ASAH2: variants seen among roughly 807,000 people sequenced by gnomAD.
ASAH2 encodes N-acylsphingosine amidohydrolase 2.
ASAH2 carries 58 observed loss-of-function variants against 82.9 expected under a neutral mutation model. The observed-to-expected ratio is 0.70, with a 90% CI of 0.57 to 0.87. The LOEUF (loss-of-function observed/expected upper bound fraction) is 0.87. ASAH2 is among the 40% of genes least tolerant of loss of function. ASAH2 has a pLI of 0.00. For synonymous variants in ASAH2, 276 were observed against 289.7 expected, an observed-to-expected ratio of 0.95 and a Z score of 0.48; for missense variants, 779 against 834.0, an observed-to-expected ratio of 0.93 and a Z score of 0.81.
intron 6 of ASAH2, 27 bp downstream of exon 6, chr10:50,234,398 G>A (rs529974934): frequency 3.1e-5 from 50 of 1,612,592 alleles, no homozygotes; most frequent in South Asian, 2.4e-4. Context: ...GGAATGAAAC[G>A]ATTTCATTTT....
Position 50,214,896 on chromosome 10 carries a change from T to C in ASAH2, c.1015-28A>G, listed in dbSNP as rs778104435. On this transcript the variant is annotated intron_variant, in intron 8 of 20. Transcript: ENST00000682911. The stretch of plus-strand genomic sequence containing the variant: ...GCCAAAAGAAATGCCAAGTTGCCTT[T>C]TATTCTTTCCTATTTCCTGTAATGA... 3.1e-6 allele frequency: 5 copies of C among 1,612,804 alleles called. No individual in the cohort carries two copies. In the Admixed American group the frequency reaches 5.0e-5, roughly 16 times the overall value.
intron 4 of ASAH2, chr10:50,240,452 T>A: frequency 1.4e-6 from 1 of 701,984 alleles, no homozygotes; most frequent in Non-Finnish European, 2.6e-6. Context: ...TTCCACTCTA[T>A]TCCAATCCAT....
intron 12 of ASAH2, among the ~76,000 whole-genome samples, chr10:50,206,537 T>TACACACACACACAC (rs544968746): frequency 0.011 from 1,438 of 130,762 alleles, 23 homozygotes; most frequent in African/African-American, 0.016. Context: ...TTTAGTTATC[T>TACACACACACACAC]ACACACACAC....
At chr10:50,224,908 A>C (rs2133217924) in intron 7 of ASAH2, among the ~76,000 whole-genome samples, 1 of 152,306 alleles carries the variant, frequency 6.6e-6, no homozygotes, top group South Asian at 2.1e-4. Context: ...AGAAGAAAAG[A>C]ATACACACCG....
intron 16 of ASAH2, among the ~76,000 whole-genome samples, chr10:50,200,529 C>T (rs1845115038): frequency 6.6e-5 from 10 of 152,068 alleles, no homozygotes; most frequent in Non-Finnish European, 4.4e-5. Context: ...GTTACATCTT[C>T]CTGAACAGTC....
At chr10:50,250,577 T>TC (rs1172466896) in intron 1 of ASAH2, among the ~76,000 whole-genome samples, 3 of 152,174 alleles carry the variant, frequency 2.0e-5, no homozygotes, top group African/African-American at 7.2e-5. Flanking sequence ...AGCAGCTGTT[T>TC]CACCAGCAAA....
chr10:50,245,521 C>T, intron 2 of ASAH2, 67 bp from the exon 3 acceptor site: 1 of 1,382,610 alleles, frequency 7.2e-7, no homozygotes, highest in South Asian at 1.3e-5. Flanking sequence ...TCAATTAGAA[C>T]ACAATATATA....
At chr10:50,195,928 T>C (rs1279564488) in intron 18 of ASAH2, among the ~76,000 whole-genome samples, 1 of 151,730 alleles carries the variant, frequency 6.6e-6, no homozygotes, top group Non-Finnish European at 1.5e-5. Context: ...GAGGTATTGA[T>C]CAAAGAATAT....
chr10:50,220,630 G>A (rs2133214485), intron 7 of ASAH2, among the ~76,000 whole-genome samples: 1 of 152,178 alleles, frequency 6.6e-6, no homozygotes, highest in African/African-American at 2.4e-5. Context: ...AGAGTGAAGG[G>A]TGGAAGGAGG....
At chr10:50,242,101 C>T (rs1359443246) in intron 4 of ASAH2, among the ~76,000 whole-genome samples, 1 of 152,126 alleles carries the variant, frequency 6.6e-6, no homozygotes, top group African/African-American at 2.4e-5. Flanking sequence ...TCCAGCTCTA[C>T]CATTTGCTAA....
rs1022457938 is a variant in ASAH2, at chr10:50,213,888, G to A, written c.1141-830C>T. On this transcript the variant is annotated intron_variant, in intron 9 of 20. Transcript: ENST00000682911. ...TGACTGGGATGGAATAAACATCCCA[G>A]AAATAGTATACAAAAAAAGCATTAT... is the stretch of plus-strand genomic sequence containing the variant. 1.3e-3 allele frequency among the ~76,000 whole-genome samples: 191 copies of A among 152,168 alleles called. 1 individual carries two copies. The highest frequency in any genetic ancestry group is 1.4e-3 in the Admixed American group (21 of 15,286).
In ASAH2 at chr10:50,234,448, T is replaced by C; in HGVS notation, c.792A>G (p.Gln264=). 1 of 1,613,096 alleles carries C rather than the reference T, an allele frequency of 6.2e-7. No homozygotes were observed. Among genetic ancestry groups the C allele is most frequent in the Non-Finnish European group, 8.5e-7 (1 of 1,179,276 alleles). Residue 264 remains glutamine, a synonymous_variant, in exon 6 of 21, where the codon CAA becomes CAG. Coordinates refer to ENST00000682911, the MANE Select transcript of ASAH2 (RefSeq NM_019893.4). ...ACCTTGCTCTCTCTGACTGCGGATT[T>C]TGAAGGTAAGAATACGGACTTCTGT... ...QINRSPYSYL[Q]NPQSERARYS...
chr10:50,240,000 G>C (rs1269964605), intron 4 of ASAH2, among the ~76,000 whole-genome samples: 1 of 151,736 alleles, frequency 6.6e-6, no homozygotes, highest in Non-Finnish European at 1.5e-5. Context: ...ACTGATTTTT[G>C]TATTTTTAGT....
intron 5 of ASAH2, among the ~76,000 whole-genome samples, 162 bp from the exon 6 acceptor site, chr10:50,234,714 T>C (rs934993045): frequency 1.3e-5 from 2 of 152,096 alleles, no homozygotes; most frequent in African/African-American, 4.8e-5. Context: ...GTTGACAATC[T>C]GGAGGTAAAC....
chr10:50,229,009 C>T (rs1368256550), intron 7 of ASAH2, among the ~76,000 whole-genome samples: 1 of 152,176 alleles, frequency 6.6e-6, no homozygotes, highest in African/African-American at 2.4e-5. Flanking sequence ...CTCAGAGCTG[C>T]CTTCGTAAGT....
intron 3 of ASAH2, among the ~76,000 whole-genome samples, chr10:50,244,391 C>T (rs962244529): frequency 6.6e-6 from 1 of 152,200 alleles, no homozygotes; most frequent in Non-Finnish European, 1.5e-5. Flanking sequence ...CTTTAGAATG[C>T]CCCCTCTACT....
chr10:50,221,631 A>G (rs772014006), intron 7 of ASAH2, among the ~76,000 whole-genome samples: 129,343 of 146,632 alleles, frequency 0.88, 57,090 homozygotes, highest in Non-Finnish European at 0.97. Flanking sequence ...TTCAGGTTGT[A>G]TGTGTGTGTG....
At chr10:50,198,981 C>T in intron 17 of ASAH2, 70 bp downstream of exon 17, 1 of 1,506,176 alleles carries the variant, frequency 6.6e-7, no homozygotes, top group Non-Finnish European at 9.2e-7. Context: ...GACACAGACA[C>T]ATACAGACAT....
At chr10:50,195,169 A>T (rs1844944109) in intron 18 of ASAH2, among the ~76,000 whole-genome samples, 1 of 151,658 alleles carries the variant, frequency 6.6e-6, no homozygotes, top group African/African-American at 2.4e-5. Context: ...TATCCAAAAG[A>T]TATAAGGTAC....
Sources: allele counts gnomAD v4.1 joint callset (sites outside exome capture counted in the v4.1 genomes callset), GRCh38; gene constraint gnomAD v4.1.1; transcripts MANE v1.5; gene names NCBI Gene and HGNC (gene_info 2026-07-23, HGNC 2026-07-21).